The following SPAG16 variants were observed in gnomAD, a reference collection of about 807,000 sequenced individuals.
SPAG16 encodes sperm-associated antigen 16 protein.
A neutral mutation model predicts 80.4 loss-of-function variants in SPAG16; 86 were observed. The ratio of observed to expected loss-of-function variants is 1.07; its 90% CI spans 0.90 to 1.28. SPAG16 has a LOEUF of 1.28. Among genes scored for constraint, SPAG16 ranks in the 50% most tolerant of loss-of-function variants. The pLI, the probability that SPAG16 is intolerant of heterozygous loss-of-function variation, is 0.00. For missense variants in SPAG16, 870 were observed against 765.3 expected (o/e 1.14, Z -1.61); for synonymous variants, 294 against 265.9 (o/e 1.11, Z -1.03).
intron 15 of SPAG16, among the ~76,000 whole-genome samples, chr2:214,176,727 T>G (rs1239181682): frequency 6.6e-6 from 1 of 151,160 alleles, no homozygotes; most frequent in Non-Finnish European, 1.5e-5. Flanking sequence ...GATGGTCAAT[T>G]TCTTTTAAAA....
At chr2:214,290,694 G>C (rs376632078) in intron 15 of SPAG16, among the ~76,000 whole-genome samples, 3 of 152,158 alleles carry the variant, frequency 2.0e-5, no homozygotes, top group African/African-American at 7.2e-5. Context: ...AGTTTCCAAC[G>C]TTCCTCTTAC....
chr2:213,724,799 A>AAAAAAAAAAT (rs2066688336), intron 10 of SPAG16, among the ~76,000 whole-genome samples: 1 of 98,946 alleles, frequency 1.0e-5, no homozygotes. Context: ...AAAAAAAAAA[A>AAAAAAAAAAT]AAGAAAAAAG....
chr2:213,286,073 T>A (rs569759461), intron 1 of SPAG16, among the ~76,000 whole-genome samples: 1 of 152,220 alleles, frequency 6.6e-6, no homozygotes, highest in Admixed American at 6.5e-5. Flanking sequence ...CTTTCAGCAA[T>A]GAAAATCAGG....
chr2:213,936,620 C>A (rs540552089), intron 12 of SPAG16, among the ~76,000 whole-genome samples: 1 of 152,242 alleles, frequency 6.6e-6, no homozygotes, highest in South Asian at 2.1e-4. Context: ...TTCTGAAGTA[C>A]TGTGAATTGT....
At chr2:214,045,758 A>G (rs2112017) in intron 13 of SPAG16, among the ~76,000 whole-genome samples, 19,585 of 152,252 alleles carry the variant, frequency 0.13, 1,403 homozygotes, top group Non-Finnish European at 0.16. Flanking sequence ...TCAAAAAAAG[A>G]AGAAAAACTT....
At chr2:213,469,570 GTTTTTT>G (rs34005287) in intron 9 of SPAG16, among the ~76,000 whole-genome samples, 15 of 79,272 alleles carry the variant, frequency 1.9e-4, no homozygotes, top group Non-Finnish European at 2.9e-4. Context: ...ACCTCAGCAG[GTTTTTT>G]TTTTTTTTTT....
At chr2:213,904,521 A>G (rs2077353938) in intron 11 of SPAG16, among the ~76,000 whole-genome samples, 1 of 148,078 alleles carries the variant, frequency 6.8e-6, no homozygotes, top group African/African-American at 2.5e-5. Context: ...ACATGTGGGA[A>G]TTATGGAAGT....
chr2:213,869,221 C>G (rs113496074), intron 11 of SPAG16, among the ~76,000 whole-genome samples: 4 of 132,762 alleles, frequency 3.0e-5, no homozygotes, highest in Admixed American at 8.3e-5. Context: ...CCATTGAACT[C>G]TAGCCTGGGC....
intron 11 of SPAG16, among the ~76,000 whole-genome samples, chr2:213,905,681 A>G (rs906258482): frequency 1.3e-5 from 2 of 152,188 alleles, no homozygotes; most frequent in African/African-American, 2.4e-5. Flanking sequence ...GAGACAATAA[A>G]TAAGTGCTAT....
At position 213,297,344 on chromosome 2, in the gene SPAG16, A is replaced by T. The variant is rs561908459; in HGVS notation, c.266A>T (p.Asp89Val). The change falls in exon 3 of 16, where the codon GAT becomes GTT. Residue 89 changes from aspartate (D) to valine (V), a missense_variant. By Grantham distance (152) the Asp-to-Val change is radical. Coordinates refer to ENST00000331683, the MANE Select transcript of SPAG16 (RefSeq NM_024532.5). ...CAGATGGCCCAAGAACAGGCTACAG[A>T]TACTGAAATTTTGGTGAGAATTTGA... Reference protein sequence around the residue: ...AIQMAQEQATDTEILERKTVL... With the variant: ...AIQMAQEQATVTEILERKTVL... 67 of 1,608,500 alleles carry T rather than the reference A, an allele frequency of 4.2e-5. No individual in the cohort carries two copies. The highest frequency in any genetic ancestry group is 5.4e-5 in the Non-Finnish European group (64 of 1,177,110).
At chr2:214,156,687 G>C (rs2056230892) in intron 15 of SPAG16, among the ~76,000 whole-genome samples, 1 of 152,076 alleles carries the variant, frequency 6.6e-6, no homozygotes, top group Non-Finnish European at 1.5e-5. Context: ...GAGGTGGGAG[G>C]ATCCCTGAGC....
intron 10 of SPAG16, among the ~76,000 whole-genome samples, chr2:213,835,088 A>G (rs1240591091): frequency 1.3e-5 from 2 of 152,030 alleles, no homozygotes; most frequent in African/African-American, 2.4e-5. Context: ...CTTTACTTTG[A>G]TAGACATTTT....
intron 11 of SPAG16, among the ~76,000 whole-genome samples, chr2:213,883,427 A>G (rs933533917): frequency 3.9e-5 from 6 of 152,106 alleles, no homozygotes; most frequent in African/African-American, 1.4e-4. Context: ...TTCATGACCA[A>G]TTATGTGGTT....
At chr2:214,216,618 C>A (rs560320621) in intron 15 of SPAG16, among the ~76,000 whole-genome samples, 1 of 152,326 alleles carries the variant, frequency 6.6e-6, no homozygotes, top group East Asian at 1.9e-4. Context: ...CTGCGCCCGG[C>A]CAGTGCTGTG....
intron 15 of SPAG16, 75 bp from the exon 16 acceptor site, chr2:214,410,065 A>T (rs1438781808): frequency 6.5e-7 from 1 of 1,529,696 alleles, no homozygotes; most frequent in African/African-American, 1.4e-5. Context: ...AGAATGCTTC[A>T]TTGCTTATAA....
chr2:213,284,713 C>T (rs1450543497), intron 1 of SPAG16, 94 bp downstream of exon 1: 5 of 1,459,810 alleles, frequency 3.4e-6, no homozygotes, highest in African/African-American at 1.4e-5. Context: ...CCTTTTGAGC[C>T]TTGGGGCCAC....
chr2:213,357,363 G>A (rs992920062), intron 7 of SPAG16, among the ~76,000 whole-genome samples: 1 of 152,078 alleles, frequency 6.6e-6, no homozygotes, highest in Non-Finnish European at 1.5e-5. Flanking sequence ...GGGTGTTAAA[G>A]TCTCCCATTA....
intron 10 of SPAG16, among the ~76,000 whole-genome samples, chr2:213,733,631 T>A (rs2125432385): frequency 6.6e-6 from 1 of 152,118 alleles, no homozygotes; most frequent in African/African-American, 2.4e-5. Context: ...TGGTTTCTAG[T>A]TAGTTTCCAA....
At chr2:214,367,660 C>T (rs1699561527) in intron 15 of SPAG16, among the ~76,000 whole-genome samples, 1 of 152,156 alleles carries the variant, frequency 6.6e-6, no homozygotes, top group Non-Finnish European at 1.5e-5. Flanking sequence ...TTACTCCCAA[C>T]ATACTTTTTA....
Sources: allele counts gnomAD v4.1 joint callset (sites outside exome capture counted in the v4.1 genomes callset), GRCh38; gene constraint gnomAD v4.1.1; transcripts MANE v1.5; gene names NCBI Gene and HGNC (gene_info 2026-07-23, HGNC 2026-07-21).